KCNAB1: variants seen among roughly 807,000 people sequenced by gnomAD.
KCNAB1 encodes the protein voltage-gated potassium channel subunit beta-1.
A neutral mutation model predicts 64.6 loss-of-function variants in KCNAB1; 35 were observed. That is an observed-to-expected ratio of 0.54 (90% confidence interval 0.41 to 0.72). KCNAB1 has a LOEUF of 0.72. KCNAB1 is among the 30% of genes least tolerant of loss of function. KCNAB1 has a pLI of 0.00. For missense variants in KCNAB1, 401 were observed against 512.9 expected, an observed-to-expected ratio of 0.78 and a Z score of 2.11; for synonymous variants, 177 against 183.8, an observed-to-expected ratio of 0.96 and a Z score of 0.30.
chr3:156,265,734 C>A (rs1191513036), intron 1 of KCNAB1, among the ~76,000 whole-genome samples: 1 of 152,192 alleles, frequency 6.6e-6, no homozygotes, highest in Non-Finnish European at 1.5e-5. Flanking sequence ...GTGGCTCATG[C>A]CTGTAATCCC....
chr3:156,456,176 T>C (rs1304417349), intron 3 of KCNAB1: 2 of 152,256 alleles, frequency 1.3e-5, no homozygotes, highest in African/African-American at 4.8e-5. Context: ...GGTGATGTTT[T>C]TCATTATTTC....
intron 1 of KCNAB1, among the ~76,000 whole-genome samples, chr3:156,343,879 C>T (rs1277819170): frequency 6.6e-6 from 1 of 152,198 alleles, no homozygotes; most frequent in African/African-American, 2.4e-5. Flanking sequence ...CTGTTCCTTA[C>T]TAGAATGTGA....
At chr3:156,527,652 T>C (rs924741903) in intron 12 of KCNAB1, among the ~76,000 whole-genome samples, 7 of 152,198 alleles carry the variant, frequency 4.6e-5, no homozygotes, top group African/African-American at 1.7e-4. Context: ...ATGCTTTTTT[T>C]CCCCTTTTCC....
intron 1 of KCNAB1, among the ~76,000 whole-genome samples, chr3:156,269,012 A>G (rs1451310816): frequency 6.6e-6 from 1 of 152,172 alleles, no homozygotes; most frequent in Non-Finnish European, 1.5e-5. Context: ...TAAGTCTTTA[A>G]TCCATTTTGA....
chr3:156,147,159 C>T (rs537565423), intron 1 of KCNAB1, among the ~76,000 whole-genome samples: 63 of 152,304 alleles, frequency 4.1e-4, no homozygotes, highest in African/African-American at 1.4e-3. Flanking sequence ...GGATTTGGCT[C>T]TGTGCTTTCC....
chr3:156,256,425 C>T (rs377606274), intron 1 of KCNAB1, among the ~76,000 whole-genome samples: 7 of 152,202 alleles, frequency 4.6e-5, no homozygotes, highest in African/African-American at 1.7e-4. Flanking sequence ...CCACTTTACA[C>T]AGAACACTCA....
intron 1 of KCNAB1, among the ~76,000 whole-genome samples, chr3:156,211,095 T>A (rs543142031): frequency 6.6e-6 from 1 of 152,120 alleles, no homozygotes; most frequent in South Asian, 2.1e-4. Context: ...TCAGTATGAG[T>A]GTGGGCAGTG....
chr3:156,285,513 G>A (rs964633747), intron 1 of KCNAB1, among the ~76,000 whole-genome samples: 1 of 55,198 alleles, frequency 1.8e-5, no homozygotes, highest in Admixed American at 2.0e-4. Flanking sequence ...TTTTTTTGGT[G>A]GGGGGGATGG....
chr3:156,332,907 A>G (rs1223474850), intron 1 of KCNAB1, among the ~76,000 whole-genome samples: 1 of 152,160 alleles, frequency 6.6e-6, no homozygotes, highest in Non-Finnish European at 1.5e-5. Flanking sequence ...AACCAAGTTT[A>G]TTCAGAAGCT....
At chr3:156,361,072 G>C (rs1054105660) in intron 1 of KCNAB1, among the ~76,000 whole-genome samples, 1 of 152,132 alleles carries the variant, frequency 6.6e-6, no homozygotes, top group Non-Finnish European at 1.5e-5. Flanking sequence ...CAGAATCAAA[G>C]CTAAAGCCTT....
intron 1 of KCNAB1, among the ~76,000 whole-genome samples, chr3:156,174,874 T>G (rs1577672619): frequency 6.6e-6 from 1 of 152,336 alleles, no homozygotes; most frequent in East Asian, 1.9e-4. Context: ...TTTTAGAAGA[T>G]ATGGCAGCTT....
At chr3:156,377,705 T>G (rs1487976423) in intron 1 of KCNAB1, among the ~76,000 whole-genome samples, 1 of 152,090 alleles carries the variant, frequency 6.6e-6, no homozygotes, top group African/African-American at 2.4e-5. Context: ...GGTAAATACC[T>G]GCAGGTGTGA....
At chr3:156,481,932 G>A (rs927431917) in intron 8 of KCNAB1, among the ~76,000 whole-genome samples, 14 of 152,120 alleles carry the variant, frequency 9.2e-5, no homozygotes, top group Non-Finnish European at 1.9e-4. Context: ...GAATGCCCTA[G>A]GTAAGGCATG....
At position 156,210,734 on chromosome 3, in the gene KCNAB1, C is replaced by T. The variant is rs79066498; in HGVS notation, c.275+89848C>T. ...TCCCAGACCCTGGGCTTTCTCTGCTCCCCACAGGGTTCCCTGGGAGTGGGC... is the reference window on the plus strand; with the variant it reads ...TCCCAGACCCTGGGCTTTCTCTGCTTCCCACAGGGTTCCCTGGGAGTGGGC... On this transcript the variant is annotated intron_variant, in intron 1 of 13. Coordinates refer to ENST00000490337, the MANE Select transcript of KCNAB1 (RefSeq NM_172160.3). Among the ~76,000 whole-genome samples the T allele has an allele frequency of 5.7e-3, 874 of 152,302 alleles. 8 individuals are homozygous for T. The highest frequency in any genetic ancestry group is 0.017 in the South Asian group (82 of 4,814).
intron 1 of KCNAB1, among the ~76,000 whole-genome samples, chr3:156,205,487 A>T (rs910065886): frequency 1.3e-5 from 2 of 152,212 alleles, no homozygotes; most frequent in African/African-American, 4.8e-5. Flanking sequence ...AAAATATGAG[A>T]TGAACAGTAG....
At chr3:156,232,981 G>C (rs909254793) in intron 1 of KCNAB1, among the ~76,000 whole-genome samples, 31 of 151,970 alleles carry the variant, frequency 2.0e-4, no homozygotes, top group African/African-American at 7.0e-4. Context: ...TATTATACCT[G>C]TGGATTATTA....
At chr3:156,408,206 C>CG (rs529556356) in intron 1 of KCNAB1, among the ~76,000 whole-genome samples, 204 of 152,282 alleles carry the variant, frequency 1.3e-3, no homozygotes, top group African/African-American at 4.8e-3. Flanking sequence ...CCCTATCCCA[C>CG]GTCTCAGGGC....
intron 13 of KCNAB1, among the ~76,000 whole-genome samples, chr3:156,531,900 G>A (rs976585695): frequency 6.6e-6 from 1 of 152,092 alleles, no homozygotes; most frequent in African/African-American, 2.4e-5. Context: ...GCTGTTCCCT[G>A]AACATCTTGT....
chr3:156,507,988 TA>T (rs1716937168), intron 8 of KCNAB1, among the ~76,000 whole-genome samples: 6 of 152,338 alleles, frequency 3.9e-5, no homozygotes, highest in Admixed American at 3.9e-4. Flanking sequence ...CTTTTTTACA[TA>T]AAAGTATAAC....
Sources: gnomAD v4.1 joint callset for allele counts (sites outside exome capture counted in the v4.1 genomes callset) on GRCh38, gnomAD v4.1.1 for gene constraint, MANE v1.5 for transcripts, NCBI Gene and HGNC (gene_info 2026-07-23, HGNC 2026-07-21) for gene names.